Variants in ACACB observed in about 807,000 individuals in gnomAD.
The protein encoded by ACACB is acetyl-CoA carboxylase 2.
Under a neutral mutation model 278.8 loss-of-function variants are expected in ACACB, and 209 were observed. The ratio of observed to expected loss-of-function variants is 0.75; its 90% CI spans 0.67 to 0.84. ACACB has a LOEUF of 0.84. ACACB is among the 40% of genes least tolerant of loss of function. ACACB has a pLI of 0.00. For synonymous variants in ACACB, 1,174 were observed against 1,285.6 expected, an observed-to-expected ratio of 0.91 and a Z score of 1.86; for missense variants, 2,850 against 3,269.0, an observed-to-expected ratio of 0.87 and a Z score of 3.13.
At chr12:109,216,219 C>CTTTTT (rs1194453989) in intron 22 of ACACB, among the ~76,000 whole-genome samples, 6 of 128,148 alleles carry the variant, frequency 4.7e-5, no homozygotes, top group African/African-American at 8.5e-5. Context: ...CTCTCTCTCT[C>CTTTTT]TTTTTTTTTT....
At chr12:109,177,346 C>T (rs1436868019) in intron 9 of ACACB, among the ~76,000 whole-genome samples, 3 of 152,134 alleles carry the variant, frequency 2.0e-5, no homozygotes, top group Non-Finnish European at 4.4e-5. Flanking sequence ...CTATAAATAA[C>T]ACTTAGCTCT....
chr12:109,222,610 G>A lies in ACACB; in HGVS notation c.3668G>A (p.Arg1223Lys). The change falls in exon 25 of 53, where the codon AGA (arginine) becomes AAA (lysine). Residue 1223 changes from arginine (R) to lysine (K), a missense_variant. Physicochemically the swap from Arg to Lys is conservative, Grantham distance 26. This residue lies in a region of ACACB where 2,265 missense variants were observed against 2,561.3 expected (regional missense o/e 0.88). Transcript: ENST00000338432. Reference sequence around the variant, plus strand: ...AGCGAGCACTGCAAAGTGGCCCTCAGAGCCCGGCAGGTAGGGTCTCAGGGT... The same window carrying A: ...AGCGAGCACTGCAAAGTGGCCCTCAAAGCCCGGCAGGTAGGGTCTCAGGGT... ...SKSEHCKVALRARQILIASHL... is the reference protein window; with the variant it reads ...SKSEHCKVALKARQILIASHL... 6.2e-7 allele frequency: 1 copy of A among 1,614,132 alleles called. No individual in the cohort carries two copies.
intron 28 of ACACB, among the ~76,000 whole-genome samples, chr12:109,229,687 G>A (rs1327950252): frequency 1.3e-5 from 2 of 151,954 alleles, no homozygotes; most frequent in East Asian, 1.9e-4. Context: ...GCACCACCAA[G>A]CCCCACTACT....
Position 109,227,351 on chromosome 12 carries a change from G to A in ACACB, c.3883-20G>A, listed in dbSNP as rs373008248. On this transcript the variant is annotated intron_variant, in intron 27 of 52. Transcript: ENST00000338432. ...TGCAGTGGCCCCTGAGAGAATGTCC[G>A]TGTGTTTCTGCCTTGTCAGGTTTAC... 5 of 1,601,026 alleles carry A rather than the reference G, an allele frequency of 3.1e-6. No individual in the cohort carries two copies. Among genetic ancestry groups the A allele is most frequent in the African/African-American group, 2.7e-5 (2 of 74,742 alleles).
chr12:109,200,554 T>C (rs2045301675), intron 18 of ACACB, among the ~76,000 whole-genome samples: 2 of 152,162 alleles, frequency 1.3e-5, no homozygotes, highest in Admixed American at 1.3e-4. Context: ...CAGCAATAAT[T>C]GAAAGGTGTT....
In ACACB at chr12:109,212,902, A is replaced by G. The variant is rs747961113; in HGVS notation, c.3316A>G (p.Ile1106Val). The change falls in exon 22 of 53, where the codon ATC becomes GTC. Residue 1106 changes from isoleucine (I) to valine (V), a missense_variant. Ile to Val is a conservative substitution (Grantham distance 29). Around this residue, in one of 3 missense-constraint regions of ACACB, gnomAD observed 2,265 missense variants for 2,561.3 expected, o/e 0.88. Transcript: ENST00000338432. ...GAAGGCTGATCGAGAGGTCTTCTTCATCAACACCCAGAGCATCGTGCAGTT... is the reference window on the plus strand; with the variant it reads ...GAAGGCTGATCGAGAGGTCTTCTTCGTCAACACCCAGAGCATCGTGCAGTT... Reference protein sequence around the residue: ...QRKADREVFFINTQSIVQLVQ... With the variant: ...QRKADREVFFVNTQSIVQLVQ... 1 of 1,614,136 alleles carries G rather than the reference A, an allele frequency of 6.2e-7. No individual in the cohort carries two copies. The highest frequency in any genetic ancestry group is 1.1e-5 in the South Asian group (1 of 91,088).
chr12:109,172,814 G>T (rs1218309826), intron 6 of ACACB, among the ~76,000 whole-genome samples: 1 of 152,170 alleles, frequency 6.6e-6, no homozygotes, highest in Non-Finnish European at 1.5e-5. Context: ...TCCTGTTACT[G>T]GGTATATACC....
At chr12:109,206,596 T>G in intron 19 of ACACB, 114 bp from the exon 20 acceptor site, 2 of 1,209,260 alleles carry the variant, frequency 1.7e-6, no homozygotes, top group South Asian at 2.9e-5. Context: ...TCCTCAGACC[T>G]CATCCTCACT....
intron 35 of ACACB, 71 bp from the exon 36 acceptor site, chr12:109,241,007 G>A: frequency 2.7e-6 from 4 of 1,472,098 alleles, no homozygotes; most frequent in Non-Finnish European, 3.8e-6. Context: ...CCTCTTATTA[G>A]TATCAGTGCT....
intron 48 of ACACB, among the ~76,000 whole-genome samples, chr12:109,261,840 C>T (rs1207562829): frequency 2.1e-5 from 3 of 144,524 alleles, no homozygotes; most frequent in African/African-American, 7.8e-5. Context: ...CACTGCACTC[C>T]AGCCTGGGTG....
At chr12:109,176,093 C>T in intron 8 of ACACB, 53 bp downstream of exon 8, 1 of 1,608,852 alleles carries the variant, frequency 6.2e-7, no homozygotes. Context: ...CTGCCTCTGT[C>T]CTGGTAGCAG....
chr12:109,208,587 T>TGTTG (rs1342117075), intron 20 of ACACB, among the ~76,000 whole-genome samples: 1 of 152,156 alleles, frequency 6.6e-6, no homozygotes, highest in Non-Finnish European at 1.5e-5. Flanking sequence ...CACACTAGGA[T>TGTTG]GTTGGCCCCA....
At chr12:109,196,660 G>A (rs1409086716) in intron 16 of ACACB, among the ~76,000 whole-genome samples, 1 of 152,178 alleles carries the variant, frequency 6.6e-6, no homozygotes, top group African/African-American at 2.4e-5. Context: ...CTGGCTGCTG[G>A]TGGAGTCTCC....
rs771226470 is a variant in ACACB at position 109,246,150 on chromosome 12, T to A, written c.5302-29T>A. The A allele has an allele frequency of 8.8e-6, 14 of 1,584,680 alleles. No individual in the cohort carries two copies. The South Asian group carries it at 1.5e-4, about 17-fold the overall frequency. On this transcript the variant is annotated intron_variant, in intron 38 of 52. Coordinates refer to ENST00000338432, the MANE Select transcript of ACACB (RefSeq NM_001093.4). Reference sequence around the variant, plus strand: ...GTTTTCCCCCAAAGAAACAAACTCATTTTCCTTGTGCATTCATCCCCTTGC... The same window carrying A: ...GTTTTCCCCCAAAGAAACAAACTCAATTTCCTTGTGCATTCATCCCCTTGC...
chr12:109,260,170 C>T lies in ACACB; in HGVS notation c.6497-310C>T, dbSNP rs368381115. 465 of 1,421,984 alleles carry T rather than the reference C, an allele frequency of 3.3e-4. 4 individuals are homozygous for T. Among genetic ancestry groups the T allele is most frequent in the South Asian group, 1.7e-3 (153 of 88,486 alleles). The allele number at this position is 1,421,984 out of a possible 1,614,324, so 88.1% of individuals were successfully genotyped here. A position where few individuals can be genotyped will look rare whatever the true frequency, so the allele number is the denominator to read the frequency against. On this transcript the variant is annotated intron_variant, in intron 47 of 52. Transcript: ENST00000338432. ...TGACTGTTAGTGAGGGTTTTCTTTG[C>T]TGGAAATGGTGGGGCAGGGCAGGGA... is the stretch of plus-strand genomic sequence containing the variant.
chr12:109,135,903 G>A (rs563594048), intron 1 of ACACB, among the ~76,000 whole-genome samples: 3 of 149,132 alleles, frequency 2.0e-5, no homozygotes, highest in Non-Finnish European at 4.4e-5. Context: ...TCTGCCTCCC[G>A]GGTTCACGCC....
intron 7 of ACACB, among the ~76,000 whole-genome samples, chr12:109,175,223 T>G (rs1410093542): frequency 7.5e-6 from 1 of 133,040 alleles, no homozygotes; most frequent in Non-Finnish European, 1.7e-5. Context: ...ATTAAATTTG[T>G]TTTTTTTTCC....
chr12:109,227,588 G>A (rs575828168), intron 28 of ACACB, 99 bp downstream of exon 28: 238 of 1,140,936 alleles, frequency 2.1e-4, no homozygotes, highest in Middle Eastern at 4.0e-4. Context: ...GTTTGGGCAC[G>A]CTGCTGGGGA....
At position 109,199,470 on chromosome 12, in the gene ACACB, C is replaced by A. The variant is rs764674504; in HGVS notation, c.2696C>A (p.Ser899Tyr). ...EKENDPTVLR[S>Y]PSAGKLTQYT... ...GAGAACGATCCTACAGTCCTGAGAT[C>A]CCCCTCGGCTGGGAAGCTGACACAG... The change falls in exon 18 of 53, where the codon TCC (serine) becomes TAC (tyrosine). Residue 899 changes from serine (S) to tyrosine (Y), a missense_variant. Ser to Tyr is a moderately radical substitution (Grantham distance 144). Transcript: ENST00000338432. The A allele has an allele frequency of 1.9e-6, 3 of 1,567,370 alleles. No homozygotes were observed. Among genetic ancestry groups the A allele is most frequent in the Non-Finnish European group, 8.6e-7 (1 of 1,156,790 alleles).
Sources: gnomAD v4.1 joint callset for allele counts (sites outside exome capture counted in the v4.1 genomes callset) on GRCh38, gnomAD v4.1.1 for gene constraint, gnomAD v4.1.1 regional missense constraint, MANE v1.5 for transcripts, NCBI Gene and HGNC (gene_info 2026-07-23, HGNC 2026-07-21) for gene names.